MTA3: variants seen among roughly 807,000 people sequenced by gnomAD.
MTA3 encodes metastasis associated 1 family member 3.
In MTA3, 34 loss-of-function variants were observed where a neutral mutation model predicts 83.5. That is an observed-to-expected ratio of 0.41 (90% confidence interval 0.31 to 0.54). The LOEUF (loss-of-function observed/expected upper bound fraction) is 0.54, where lower values mean the gene tolerates loss of function less well. MTA3 is among the 20% of genes least tolerant of loss of function. The probability of loss-of-function intolerance (pLI) is 0.33; values close to 1 mark genes in which losing one functional copy is unlikely to be tolerated. For synonymous variants in MTA3, 303 were observed against 252.7 expected (o/e 1.20, Z -1.89); for missense variants, 761 against 726.4 (o/e 1.05, Z -0.55).
chr2:42,716,860 G>C (rs1667066533), intron 14 of MTA3, among the ~76,000 whole-genome samples: 1 of 152,142 alleles, frequency 6.6e-6, no homozygotes, highest in Non-Finnish European at 1.5e-5. Context: ...TAGTGGGATT[G>C]TTGGGTGATA....
intron 9 of MTA3, among the ~76,000 whole-genome samples, chr2:42,694,326 T>G (rs536003916): frequency 1.3e-5 from 2 of 152,106 alleles, no homozygotes; most frequent in African/African-American, 4.8e-5. Flanking sequence ...CACTAGGAGT[T>G]GTTTAGGAGT....
intron 2 of MTA3, among the ~76,000 whole-genome samples, chr2:42,499,512 T>C (rs1261046196): frequency 6.7e-6 from 1 of 150,346 alleles, no homozygotes; most frequent in Non-Finnish European, 1.5e-5. Context: ...AAAGGAATAG[T>C]GGGACATGAT....
chr2:42,640,389 G>C (rs991617685), intron 5 of MTA3, among the ~76,000 whole-genome samples, 153 bp downstream of exon 5: 2 of 152,010 alleles, frequency 1.3e-5, no homozygotes, highest in Non-Finnish European at 2.9e-5. Flanking sequence ...GAATGCATTC[G>C]GGTAAATTTG....
chr2:42,501,287 T>A (rs1182841816), intron 2 of MTA3, among the ~76,000 whole-genome samples: 2 of 152,166 alleles, frequency 1.3e-5, no homozygotes, highest in African/African-American at 4.8e-5. Flanking sequence ...TCTGGTCCTA[T>A]CTCTAGGCTG....
intron 14 of MTA3, 33 bp downstream of exon 14, chr2:42,709,129 T>C: frequency 6.4e-7 from 1 of 1,550,644 alleles, no homozygotes; most frequent in Non-Finnish European, 8.7e-7. Flanking sequence ...ACCTTATATG[T>C]TGTGCTTCTG....
intron 4 of MTA3, among the ~76,000 whole-genome samples, chr2:42,622,007 G>A (rs1461739728): frequency 1.3e-5 from 2 of 152,118 alleles, no homozygotes; most frequent in African/African-American, 4.8e-5. Flanking sequence ...CGGGGTGGCG[G>A]CCGGGCAGAG....
intron 3 of MTA3, among the ~76,000 whole-genome samples, chr2:42,598,181 T>G (rs961973594): frequency 6.6e-6 from 1 of 152,092 alleles, no homozygotes; most frequent in African/African-American, 2.4e-5. Flanking sequence ...CAAGTGATTC[T>G]CCTGCCTCAG....
chr2:42,726,239 C>A (rs114535083), intron 16 of MTA3, among the ~76,000 whole-genome samples: 1 of 152,180 alleles, frequency 6.6e-6, no homozygotes. Context: ...TTGGAAACAA[C>A]ACCCGGGGCT....
chr2:42,494,539 C>T (rs1674040424), upstream of MTA3: 1 of 152,246 alleles, frequency 6.6e-6, no homozygotes, highest in Admixed American at 6.5e-5. Context: ...GTACCGCGTG[C>T]TCAGAGGGCG....
At chr2:42,716,124 A>G (rs1359632663) in intron 14 of MTA3, among the ~76,000 whole-genome samples, 1 of 152,172 alleles carries the variant, frequency 6.6e-6, no homozygotes, top group Non-Finnish European at 1.5e-5. Flanking sequence ...ACTATTATTC[A>G]ACAATAGGTG....
At chr2:42,598,294 T>C (rs1682097906) in intron 3 of MTA3, among the ~76,000 whole-genome samples, 1 of 150,946 alleles carries the variant, frequency 6.6e-6, no homozygotes, top group South Asian at 2.1e-4. Context: ...CTGTATCTCC[T>C]GACCTCGTGA....
chr2:42,506,645 T>G (rs1390246103), intron 2 of MTA3, among the ~76,000 whole-genome samples: 1 of 147,832 alleles, frequency 6.8e-6, no homozygotes. Flanking sequence ...ATTTATTTAT[T>G]TATTATTCTT....
At chr2:42,697,898 C>G (rs1693530086) in intron 11 of MTA3, 64 bp downstream of exon 11, 1 of 1,205,756 alleles carries the variant, frequency 8.3e-7, no homozygotes, top group African/African-American at 1.6e-5. Flanking sequence ...CAGAATATGT[C>G]ATTTTGTTCA....
At chr2:42,497,033 C>T (rs1313177000) in intron 2 of MTA3, among the ~76,000 whole-genome samples, 1 of 151,880 alleles carries the variant, frequency 6.6e-6, no homozygotes, top group Non-Finnish European at 1.5e-5. Context: ...TGGTGAAACC[C>T]GTTTCTACTA....
At chr2:42,581,497 A>G (rs1679634621) in intron 3 of MTA3, among the ~76,000 whole-genome samples, 1 of 147,726 alleles carries the variant, frequency 6.8e-6, no homozygotes, top group Admixed American at 7.0e-5. Context: ...CTCAGTCTTT[A>G]GAGAAGCTGG....
intron 12 of MTA3, among the ~76,000 whole-genome samples, chr2:42,706,104 C>T (rs964820475): frequency 2.0e-5 from 3 of 151,998 alleles, no homozygotes; most frequent in South Asian, 2.1e-4. Flanking sequence ...TGAAGGGGAA[C>T]ATCACATCTG....
intron 3 of MTA3, among the ~76,000 whole-genome samples, chr2:42,609,177 C>G (rs765118840): frequency 5.9e-5 from 9 of 151,652 alleles, no homozygotes; most frequent in Non-Finnish European, 1.2e-4. Flanking sequence ...ATTACAGGCG[C>G]CCACCACCAT....
upstream of MTA3, among the ~76,000 whole-genome samples, chr2:42,494,283 C>G (rs1020848204): frequency 3.3e-5 from 5 of 152,146 alleles, no homozygotes; most frequent in Non-Finnish European, 7.4e-5. Context: ...TGCCTGCTCC[C>G]GCGTCCTGCC....
At chr2:42,661,557 A>ATGTG (rs1234716819) in intron 8 of MTA3, among the ~76,000 whole-genome samples, 2 of 149,078 alleles carry the variant, frequency 1.3e-5, no homozygotes, top group Non-Finnish European at 3.0e-5. Context: ...AACCAGAACT[A>ATGTG]TGTGGAATCT....
Sources: allele counts gnomAD v4.1 joint callset (sites outside exome capture counted in the v4.1 genomes callset), GRCh38; gene constraint gnomAD v4.1.1; transcripts MANE v1.5; gene names NCBI Gene and HGNC (gene_info 2026-07-23, HGNC 2026-07-21).